The following RFX4 variants were observed in gnomAD, a reference collection of about 807,000 sequenced individuals.
The protein encoded by RFX4 is transcription factor RFX4.
In RFX4, 10 loss-of-function variants were observed where a neutral mutation model predicts 95.0. The ratio of observed to expected loss-of-function variants is 0.11; its 90% CI spans 0.06 to 0.18. The LOEUF is 0.18. RFX4 is among the 10% of genes least tolerant of loss of function. RFX4 has a pLI of 1.00. For missense variants in RFX4, 640 were observed against 922.0 expected (o/e 0.69, Z 3.96); for synonymous variants, 321 against 340.7 (o/e 0.94, Z 0.64).
chr12:106,642,731 T>C (rs1592887315), intron 3 of RFX4, among the ~76,000 whole-genome samples: 1 of 152,178 alleles, frequency 6.6e-6, no homozygotes, highest in South Asian at 2.1e-4. Context: ...CTATTTCAGG[T>C]TGAGCAGTAA....
At chr12:106,593,309 A>C (rs148239926) in intron 1 of RFX4, among the ~76,000 whole-genome samples, 1 of 152,338 alleles carries the variant, frequency 6.6e-6, no homozygotes, top group African/African-American at 2.4e-5. Flanking sequence ...GCTACCCAGT[A>C]GTTGTGCTAA....
chr12:106,668,238 G>C (rs189643357), intron 4 of RFX4, among the ~76,000 whole-genome samples: 234 of 152,204 alleles, frequency 1.5e-3, no homozygotes, highest in African/African-American at 5.5e-3. Context: ...ATGACTGCTA[G>C]ACTCCAAAAA....
At chr12:106,621,727 C>G (rs1418342390) in intron 2 of RFX4, among the ~76,000 whole-genome samples, 1 of 152,114 alleles carries the variant, frequency 6.6e-6, no homozygotes, top group African/African-American at 2.4e-5. Flanking sequence ...CTCTGTCATC[C>G]CCAAACTCTC....
chr12:106,682,201 C>A, intron 5 of RFX4, 147 bp downstream of exon 5: 1 of 743,656 alleles, frequency 1.3e-6, no homozygotes, highest in Non-Finnish European at 2.2e-6. Flanking sequence ...TTTATGACGG[C>A]CAGGGCCCCT....
At chr12:106,605,600 C>T (rs1048534611) in intron 1 of RFX4, among the ~76,000 whole-genome samples, 1 of 152,226 alleles carries the variant, frequency 6.6e-6, no homozygotes, top group Non-Finnish European at 1.5e-5. Context: ...CCCTCAGAGT[C>T]TATCCCAAGT....
intron 17 of RFX4, among the ~76,000 whole-genome samples, chr12:106,758,375 G>C (rs984335267): frequency 1.3e-5 from 2 of 152,222 alleles, no homozygotes. Flanking sequence ...TTCCATGCTG[G>C]ATTCTGTGGT....
chr12:106,750,160 C>G (rs1434053929), intron 16 of RFX4, among the ~76,000 whole-genome samples: 1 of 151,848 alleles, frequency 6.6e-6, no homozygotes, highest in Non-Finnish European at 1.5e-5. Flanking sequence ...ATAACAAGGC[C>G]ACAAGAGTGG....
rs78880634 is a variant in RFX4, at chr12:106,643,106, T to C, written c.191+3714T>C. Among the ~76,000 whole-genome samples the C allele has an allele frequency of 2.0e-3, 298 of 152,272 alleles. 3 individuals carry two copies. Among genetic ancestry groups the C allele is most frequent in the African/African-American group, 6.8e-3 (282 of 41,542 alleles). ...TCCAGACCTTTATCCCCCAACCCCATTGTCCATCACTGAATACAGGCTGCC... is the reference window on the plus strand; with the variant it reads ...TCCAGACCTTTATCCCCCAACCCCACTGTCCATCACTGAATACAGGCTGCC... On this transcript the variant is annotated intron_variant, in intron 3 of 17. Coordinates refer to ENST00000392842, the MANE Select transcript of RFX4 (RefSeq NM_213594.3).
intron 3 of RFX4, among the ~76,000 whole-genome samples, chr12:106,650,993 C>T (rs1055083987): frequency 6.6e-6 from 1 of 152,126 alleles, no homozygotes; most frequent in African/African-American, 2.4e-5. Context: ...AATTCTACCA[C>T]CTTCTTCTGA....
intron 3 of RFX4, among the ~76,000 whole-genome samples, chr12:106,648,622 TG>T (rs199842992): frequency 3.5e-5 from 5 of 141,068 alleles, no homozygotes; most frequent in Non-Finnish European, 4.6e-5. Context: ...AAAAATCCTG[TG>T]GGGTTTTTTT....
chr12:106,714,968 C>G (rs1209039470), intron 10 of RFX4: 1 of 153,982 alleles, frequency 6.5e-6, no homozygotes, highest in Non-Finnish European at 1.4e-5. Flanking sequence ...AAGTTAGGCC[C>G]AGGGGTAGCA....
intron 4 of RFX4, among the ~76,000 whole-genome samples, chr12:106,669,607 G>A (rs1319957506): frequency 6.6e-6 from 1 of 151,892 alleles, no homozygotes; most frequent in Admixed American, 6.6e-5. Context: ...TCCTGACGTG[G>A]GGTCACTTGC....
chr12:106,747,726 G>A lies in RFX4; in HGVS notation c.1796+127G>A, dbSNP rs1218084332. On this transcript the variant is annotated intron_variant, in intron 16 of 17. Transcript: ENST00000392842. ...AGGTGGGCCTTGAAGTCAGGAGTTC[G>A]AGACCAGCCTGGCCAACGTGGTGAA... The A allele has an allele frequency of 5.8e-5, 58 of 1,003,246 alleles. No homozygotes were observed. In the East Asian group the frequency reaches 7.1e-4, roughly 12 times the overall value. The allele number at this position is 1,003,246 out of a possible 1,614,324, so 62.1% of individuals were successfully genotyped here.
chr12:106,681,132 G>C (rs995927888), intron 4 of RFX4: 1 of 152,114 alleles, frequency 6.6e-6, no homozygotes, highest in Non-Finnish European at 1.5e-5. Context: ...GGTTGTCCTG[G>C]GCAACAGCAA....
Position 106,761,352 on chromosome 12 carries a change from C to T in RFX4, c.2091C>T (p.Asn697=), listed in dbSNP as rs1470950112. The change falls in exon 18 of 18, where the codon AAC becomes AAT. Residue 697 remains asparagine (N), a synonymous_variant. Transcript: ENST00000392842. ...CTGTGCATTCTGCGAGGTACGGAAA[C>T]TCTAGTGACATGTATACACCTCTGA... ...SPSVHSARYG[N]SSDMYTPLTT... 3 of 1,614,012 alleles carry T rather than the reference C, an allele frequency of 1.9e-6. No individual in the cohort carries two copies. The highest frequency in any genetic ancestry group is 1.6e-4 in the Middle Eastern group (1 of 6,084).
At chr12:106,747,134 C>G (rs920876097) in intron 15 of RFX4, among the ~76,000 whole-genome samples, 1 of 152,150 alleles carries the variant, frequency 6.6e-6, no homozygotes, top group Non-Finnish European at 1.5e-5. Flanking sequence ...AGGAAGAGGA[C>G]AGCTTTTTGG....
intron 2 of RFX4, among the ~76,000 whole-genome samples, chr12:106,617,861 G>T (rs1235736320): frequency 2.0e-5 from 3 of 152,054 alleles, no homozygotes; most frequent in African/African-American, 4.8e-5. Flanking sequence ...CAAGTAGCTG[G>T]GATTACAGGT....
intron 15 of RFX4, among the ~76,000 whole-genome samples, chr12:106,745,930 T>C (rs2042883374): frequency 6.6e-6 from 1 of 152,158 alleles, no homozygotes; most frequent in Non-Finnish European, 1.5e-5. Flanking sequence ...CAAATTATCA[T>C]TAAAAAAAAT....
chr12:106,644,612 T>C (rs2040704907), intron 3 of RFX4, among the ~76,000 whole-genome samples: 1 of 152,212 alleles, frequency 6.6e-6, no homozygotes, highest in African/African-American at 2.4e-5. Context: ...CGGAACATCT[T>C]CGTGTGTGCC....
Sources: allele counts gnomAD v4.1 joint callset (sites outside exome capture counted in the v4.1 genomes callset), GRCh38; gene constraint gnomAD v4.1.1; transcripts MANE v1.5; gene names NCBI Gene and HGNC (gene_info 2026-07-23, HGNC 2026-07-21).